The following GPHN variants were observed in gnomAD, a reference collection of about 807,000 sequenced individuals.
GPHN encodes the protein gephyrin.
GPHN carries 17 observed loss-of-function variants against 95.5 expected under a neutral mutation model. That is an observed-to-expected ratio of 0.18 (90% CI 0.12 to 0.27). The LOEUF is 0.27. Among genes scored for constraint, GPHN ranks in the 10% least tolerant of loss-of-function variants. The probability of loss-of-function intolerance (pLI) is 1.00; values close to 1 mark genes in which losing one functional copy is unlikely to be tolerated. For synonymous variants in GPHN, 320 were observed against 322.5 expected, an observed-to-expected ratio of 0.99 and a Z score of 0.08; for missense variants, 660 against 978.1, an observed-to-expected ratio of 0.67 and a Z score of 4.34.
the GPHN span, among the ~76,000 whole-genome samples, chr14:67,606,514 C>T: frequency 6.6e-6 from 1 of 152,228 alleles, no homozygotes; most frequent in Admixed American, 6.5e-5. Context: ...ATAACACCCT[C>T]AGCTCAGTTT....
chr14:66,990,020 G>GA (rs2071297651), intron 9 of GPHN, among the ~76,000 whole-genome samples: 1 of 152,046 alleles, frequency 6.6e-6, no homozygotes, highest in Admixed American at 6.6e-5. Context: ...AATTTATAAA[G>GA]AAAAAAGGTC....
At chr14:66,742,216 T>A (rs569335607) in intron 2 of GPHN, among the ~76,000 whole-genome samples, 2 of 152,212 alleles carry the variant, frequency 1.3e-5, no homozygotes, top group Non-Finnish European at 2.9e-5. Context: ...TTGTTTACAG[T>A]TCCTTCATAG....
At chr14:66,553,487 A>G (rs1245224587) in intron 1 of GPHN, among the ~76,000 whole-genome samples, 4 of 152,154 alleles carry the variant, frequency 2.6e-5, no homozygotes, top group Non-Finnish European at 4.4e-5. Context: ...CTGTCAGGTT[A>G]GAGAATTTTG....
chr14:66,570,404 A>T (rs1427682372), intron 1 of GPHN, among the ~76,000 whole-genome samples: 1 of 149,698 alleles, frequency 6.7e-6, no homozygotes, highest in Non-Finnish European at 1.5e-5. Context: ...TCCCGGGTTC[A>T]AGCAGTTCTG....
intron 2 of GPHN, among the ~76,000 whole-genome samples, chr14:66,738,224 G>C (rs1456041776): frequency 1.3e-5 from 2 of 152,138 alleles, no homozygotes; most frequent in Admixed American, 6.5e-5. Context: ...TAAAATTCAA[G>C]TTAAAAATTA....
chr14:67,129,264 A>C (rs1252583855), intron 17 of GPHN, among the ~76,000 whole-genome samples: 2 of 152,206 alleles, frequency 1.3e-5, no homozygotes, highest in Non-Finnish European at 2.9e-5. Flanking sequence ...AACTGTAATC[A>C]AACTTTCCAA....
chr14:66,797,798 G>GTTTGGA (rs1322879420), intron 3 of GPHN, among the ~76,000 whole-genome samples: 3 of 151,648 alleles, frequency 2.0e-5, no homozygotes, highest in Non-Finnish European at 4.4e-5. Context: ...TTCCCTTTCA[G>GTTTGGA]TTTGGATTTT....
At chr14:66,986,118 C>G (rs530470204) in intron 9 of GPHN, among the ~76,000 whole-genome samples, 25 of 126,402 alleles carry the variant, frequency 2.0e-4, no homozygotes, top group African/African-American at 1.1e-3. Flanking sequence ...CCCCTTTTAG[C>G]TTTTTTTTGT....
chr14:67,676,791 GTTTTC>G, the GPHN span: 1 of 152,010 alleles, frequency 6.6e-6, no homozygotes, highest in Non-Finnish European at 1.5e-5. Flanking sequence ...AATGAACAGT[GTTTTC>G]TTCTTTTGAC....
chr14:66,621,412 G>A (rs1203064301), intron 1 of GPHN, among the ~76,000 whole-genome samples: 2 of 143,732 alleles, frequency 1.4e-5, no homozygotes, highest in Non-Finnish European at 3.0e-5. Flanking sequence ...ACAGTGCCTG[G>A]CCAGGGCTGT....
chr14:66,595,854 C>T (rs577352234), intron 1 of GPHN, among the ~76,000 whole-genome samples: 1 of 152,324 alleles, frequency 6.6e-6, no homozygotes, highest in Admixed American at 6.5e-5. Flanking sequence ...TGTTACTGCT[C>T]TTTCAGTCGT....
chr14:66,689,211 C>T (rs1055131992), intron 2 of GPHN, among the ~76,000 whole-genome samples: 6 of 152,040 alleles, frequency 3.9e-5, no homozygotes, highest in Non-Finnish European at 8.8e-5. Context: ...GAAGTACATT[C>T]CTTCTGTATC....
At chr14:67,624,031 G>A in the GPHN span, among the ~76,000 whole-genome samples, 1 of 151,994 alleles carries the variant, frequency 6.6e-6, no homozygotes, top group Admixed American at 6.6e-5. Flanking sequence ...TGTAGAGCCG[G>A]GGTCTCACTA....
chr14:67,579,355 A>G, the GPHN span: 3 of 1,413,178 alleles, frequency 2.1e-6, no homozygotes, highest in Non-Finnish European at 2.8e-6. Context: ...TTCTCACGTC[A>G]CCATCCAGAG....
chr14:67,159,917 A>G (rs997940509), intron 19 of GPHN, among the ~76,000 whole-genome samples: 1 of 152,120 alleles, frequency 6.6e-6, no homozygotes, highest in African/African-American at 2.4e-5. Flanking sequence ...AATTCTAGAT[A>G]TGTCATTTTG....
At chr14:67,365,013 G>C in the GPHN span, 5 of 1,576,276 alleles carry the variant, frequency 3.2e-6, no homozygotes, top group East Asian at 4.6e-5. Context: ...AAAAAGGTAA[G>C]TGAGAAAAAT....
At chr14:66,686,018 G>T (rs964172662) in intron 2 of GPHN, among the ~76,000 whole-genome samples, 24 of 152,218 alleles carry the variant, frequency 1.6e-4, no homozygotes, top group African/African-American at 2.9e-4. Flanking sequence ...TTTCCCCATT[G>T]CTTGTTTTTG....
the GPHN span, among the ~76,000 whole-genome samples, chr14:67,698,529 A>T: frequency 6.6e-6 from 1 of 152,166 alleles, no homozygotes. Context: ...GGAGCCCAAA[A>T]ATTGACTGAG....
chr14:66,546,003 C>T (rs1318071218), intron 1 of GPHN, among the ~76,000 whole-genome samples: 1 of 150,674 alleles, frequency 6.6e-6, no homozygotes, highest in South Asian at 2.1e-4. Flanking sequence ...AGGGGCTCCT[C>T]ACTTCTCAGA....
Sources: gnomAD v4.1 joint callset for allele counts (sites outside exome capture counted in the v4.1 genomes callset) on GRCh38, gnomAD v4.1.1 for gene constraint, MANE v1.5 for transcripts, NCBI Gene and HGNC (gene_info 2026-07-23, HGNC 2026-07-21) for gene names.